DDB1: variants seen among roughly 807,000 people sequenced by gnomAD.
The protein encoded by DDB1 is DNA damage-binding protein 1.
In DDB1, 18 loss-of-function variants were observed where a neutral mutation model predicts 133.1. That is an observed-to-expected ratio of 0.14 (90% CI 0.09 to 0.20). The LOEUF is 0.20. Ranked by LOEUF, DDB1 falls within the 10% of genes least tolerant of loss-of-function variation. The pLI is 1.00. For synonymous variants in DDB1, 580 were observed against 550.5 expected, an observed-to-expected ratio of 1.05 and a Z score of -0.75; for missense variants, 828 against 1,459.2, an observed-to-expected ratio of 0.57 and a Z score of 7.05.
intron 20 of DDB1, 118 bp from the exon 21 acceptor site, chr11:61,309,195 AAAC>A: frequency 1.1e-6 from 1 of 869,786 alleles, no homozygotes; most frequent in Non-Finnish European, 1.9e-6. Context: ...TCATCTAAAA[AAAC>A]AACACAGACT....
rs748086023 is a variant in DDB1 at position 61,304,015 on chromosome 11, T to C, written c.2682A>G (p.Thr894=). 15 of 1,613,938 alleles carry C rather than the reference T, an allele frequency of 9.3e-6. No homozygotes were observed. Among genetic ancestry groups the C allele is most frequent in the Admixed American group, 5.0e-5 (3 of 59,996 alleles). ...ACTCAGTGCGCAGCTCCTTCTCTGT[T>C]GTCCACTCATAGAGCCGCACCTGGG... ...INSTVRLYEW[T]TEKELRTECN... Residue 894 remains threonine (T), a synonymous_variant, in exon 22 of 27, where the codon ACA becomes ACG. Transcript: ENST00000301764.
At chr11:61,322,958 T>C in intron 8 of DDB1, 53 bp downstream of exon 8, 5 of 1,449,642 alleles carry the variant, frequency 3.4e-6, no homozygotes, top group Non-Finnish European at 4.8e-6. Flanking sequence ...AGAAATTTGA[T>C]GAAGAAACAG....
chr11:61,316,946 GATATATAT>G lies in DDB1; in HGVS notation c.1226-387_1226-380del, dbSNP rs58564398. On this transcript the variant is annotated intron_variant, in intron 10 of 26. Transcript: ENST00000301764. ...AAAAAAAAAAAAAAAAAAAAGGATA[GATATATAT>G]ATATATATATATATATATATATATA... 4.5e-3 allele frequency among the ~76,000 whole-genome samples: 130 copies of G among 29,034 alleles called. 2 individuals are homozygous for G. The highest frequency in any genetic ancestry group is 0.016 in the African/African-American group (75 of 4,682). The allele number at this position is 29,034 out of a possible 152,430, so 19.0% of individuals were successfully genotyped here.
chr11:61,325,445 CTAA>C (rs1343049018), intron 6 of DDB1, among the ~76,000 whole-genome samples, 163 bp downstream of exon 6: 1 of 152,182 alleles, frequency 6.6e-6, no homozygotes, highest in African/African-American at 2.4e-5. Context: ...CAAATCCAGG[CTAA>C]TCTCTCTCTG....
At chr11:61,303,791 C>T in intron 22 of DDB1, 74 bp downstream of exon 22, 1 of 1,563,304 alleles carries the variant, frequency 6.4e-7, no homozygotes, top group East Asian at 2.3e-5. Context: ...CTGGCTTATC[C>T]TTCCCCACCA....
chr11:61,310,276 C>T lies in DDB1; in HGVS notation c.2401+19G>A, dbSNP rs969575466. 5.6e-6 allele frequency: 9 copies of T among 1,598,222 alleles called. No homozygotes were observed. The highest frequency in any genetic ancestry group is 2.7e-5 in the African/African-American group (2 of 74,502). Reference sequence around the variant, plus strand: ...TAGGGAGGGCGTAGATAAAAATTATCGAAAGAGCTCATGTGCACCTTCAAA... The same window carrying T: ...TAGGGAGGGCGTAGATAAAAATTATTGAAAGAGCTCATGTGCACCTTCAAA... On this transcript the variant is annotated intron_variant, in intron 19 of 26. Coordinates refer to ENST00000301764, the MANE Select transcript of DDB1 (RefSeq NM_001923.5).
At chr11:61,327,789 G>C (rs1188276192) in intron 4 of DDB1, among the ~76,000 whole-genome samples, 1 of 152,204 alleles carries the variant, frequency 6.6e-6, no homozygotes, top group Non-Finnish European at 1.5e-5. Context: ...GTGGAAGACA[G>C]CTTCAACAAA....
At chr11:61,328,444 C>T (rs905651123) in intron 4 of DDB1, among the ~76,000 whole-genome samples, 1 of 152,152 alleles carries the variant, frequency 6.6e-6, no homozygotes, top group African/African-American at 2.4e-5. Flanking sequence ...TGTTAAAGGG[C>T]TGAGATTTTA....
In DDB1 at chr11:61,302,249, A is replaced by T; in HGVS notation, c.3215+8T>A. On this transcript the variant is annotated splice_region_variant and intron_variant, in intron 25 of 26. Transcript: ENST00000301764. ...TTCCCAGCAAGGGGATGGCTCTGGG[A>T]AGGATATAAGGAGTGCTCGATCTTC... 6.2e-7 allele frequency: 1 copy of T among 1,612,674 alleles called. No homozygotes were observed. Among genetic ancestry groups the T allele is most frequent in the Non-Finnish European group, 8.5e-7 (1 of 1,178,682 alleles).
intron 12 of DDB1, chr11:61,315,571 C>T (rs1366939525): frequency 1.3e-5 from 2 of 152,252 alleles, no homozygotes; most frequent in East Asian, 3.8e-4. Flanking sequence ...GTTCATTAAT[C>T]CTTAGGCACT....
intron 20 of DDB1, 135 bp downstream of exon 20, chr11:61,309,657 TAAAG>T: frequency 1.2e-6 from 1 of 856,852 alleles, no homozygotes; most frequent in East Asian, 2.6e-5. Flanking sequence ...TTCAATCAAA[TAAAG>T]AAGAGAATAG....
At chr11:61,318,699 T>C (rs540497523) in intron 10 of DDB1, among the ~76,000 whole-genome samples, 7 of 152,254 alleles carry the variant, frequency 4.6e-5, no homozygotes, top group Non-Finnish European at 7.3e-5. Flanking sequence ...GCTTTTGCTA[T>C]GAAGTGTTTT....
chr11:61,320,436 G>A (rs948335304), intron 10 of DDB1, among the ~76,000 whole-genome samples: 11 of 151,842 alleles, frequency 7.2e-5, no homozygotes, highest in Admixed American at 7.2e-4. Context: ...CCTGGCCTCA[G>A]GTAATCCACC....
chr11:61,317,316 T>C (rs553821925), intron 10 of DDB1, among the ~76,000 whole-genome samples: 3 of 151,678 alleles, frequency 2.0e-5, no homozygotes, highest in South Asian at 2.1e-4. Flanking sequence ...GGTTTCACCA[T>C]GTTAGCCAGG....
rs75887738 is a variant in DDB1, at chr11:61,330,516, T to C, written c.211-442A>G. Reference sequence around the variant, plus strand: ...TAACACAGACTCCAAAAAATTGCTGTTTTGTTCAAAGGGTTATAATTAAAA... The same window carrying C: ...TAACACAGACTCCAAAAAATTGCTGCTTTGTTCAAAGGGTTATAATTAAAA... On this transcript the variant is annotated intron_variant, in intron 2 of 26. Transcript: ENST00000301764. Among the ~76,000 whole-genome samples, 482 of 152,336 alleles carry C rather than the reference T, an allele frequency of 3.2e-3. 4 individuals carry two copies. Among genetic ancestry groups the C allele is most frequent in the African/African-American group, 0.011 (468 of 41,566 alleles).
At chr11:61,301,886 T>C (rs9651726) in intron 25 of DDB1, 41,095 of 167,640 alleles carry the variant, frequency 0.25, 9,437 homozygotes, top group African/African-American at 0.63. Flanking sequence ...TTCTGGTAGT[T>C]TCTCTAGTCT....
At chr11:61,319,471 C>T (rs1207689142) in intron 10 of DDB1, among the ~76,000 whole-genome samples, 1 of 151,220 alleles carries the variant, frequency 6.6e-6, no homozygotes, top group Non-Finnish European at 1.5e-5. Flanking sequence ...CTTGCTGTGA[C>T]GCCAGGCTGG....
chr11:61,332,761 G>A, intron 1 of DDB1, 147 bp downstream of exon 1: 1 of 603,712 alleles, frequency 1.7e-6, no homozygotes, highest in Non-Finnish European at 2.6e-6. Context: ...TCGAGGTCGC[G>A]GTGCTGGGGG....
chr11:61,324,408 A>G (rs1386671463), intron 6 of DDB1: 1 of 362,292 alleles, frequency 2.8e-6, no homozygotes, highest in Admixed American at 3.9e-5. Flanking sequence ...ATAGAAATAC[A>G]CAGAATAGGA....
Sources: allele counts gnomAD v4.1 joint callset (sites outside exome capture counted in the v4.1 genomes callset), GRCh38; gene constraint gnomAD v4.1.1; transcripts MANE v1.5; gene names NCBI Gene and HGNC (gene_info 2026-07-23, HGNC 2026-07-21).